Variants in HSPA4L observed in about 807,000 individuals in gnomAD.
HSPA4L encodes the protein heat shock 70 kDa protein 4L.
Under a neutral mutation model 100.3 loss-of-function variants are expected in HSPA4L, and 48 were observed. The ratio of observed to expected loss-of-function variants is 0.48; its 90% CI spans 0.38 to 0.61. HSPA4L has a LOEUF of 0.61. HSPA4L is among the 20% of genes least tolerant of loss of function. HSPA4L has a pLI of 0.00. For missense variants in HSPA4L, 886 were observed against 988.6 expected, an observed-to-expected ratio of 0.90 and a Z score of 1.39; for synonymous variants, 319 against 328.2, an observed-to-expected ratio of 0.97 and a Z score of 0.30.
chr4:127,801,092 A>G (rs1733161740), intron 4 of HSPA4L, 46 bp from the exon 5 acceptor site: 1 of 1,405,426 alleles, frequency 7.1e-7, no homozygotes, highest in South Asian at 1.2e-5. Flanking sequence ...AGTTGACAAA[A>G]TGTTTACATA....
intron 4 of HSPA4L, 142 bp downstream of exon 4, chr4:127,798,851 A>C (rs1733096581): frequency 1.4e-6 from 1 of 732,582 alleles, no homozygotes; most frequent in Non-Finnish European, 2.1e-6. Context: ...TTTTAAAAAA[A>C]CTGCCTTATT....
intron 16 of HSPA4L, among the ~76,000 whole-genome samples, chr4:127,826,877 A>G (rs1733962759): frequency 1.3e-5 from 2 of 152,194 alleles, no homozygotes; most frequent in African/African-American, 4.8e-5. Flanking sequence ...TATTTAGTTG[A>G]TAATAATTAT....
At chr4:127,824,918 C>T (rs1357901034) in intron 16 of HSPA4L, among the ~76,000 whole-genome samples, 1 of 152,116 alleles carries the variant, frequency 6.6e-6, no homozygotes, top group African/African-American at 2.4e-5. Flanking sequence ...GGGCGGATCA[C>T]AAAGTCAGGA....
In HSPA4L at chr4:127,833,115, A is replaced by G. The variant is rs1045524456; in HGVS notation, c.*241A>G. ...ATCTAAGCTTTCCGGATAATTTTATATATCAAACATACAGGATGGATACAT... is the reference window on the plus strand; with the variant it reads ...ATCTAAGCTTTCCGGATAATTTTATGTATCAAACATACAGGATGGATACAT... On this transcript the variant is annotated 3_prime_UTR_variant, in exon 19 of 19. Coordinates refer to ENST00000296464, the MANE Select transcript of HSPA4L (RefSeq NM_014278.4). 3 of 340,194 alleles carry G rather than the reference A, an allele frequency of 8.8e-6. No homozygotes were observed. Among genetic ancestry groups the G allele is most frequent in the Non-Finnish European group, 1.6e-5 (3 of 189,478 alleles). 21.1% of individuals were successfully genotyped at this position (340,194 alleles called of 1,614,324 possible).
intron 12 of HSPA4L, among the ~76,000 whole-genome samples, chr4:127,814,478 A>C (rs1733621241): frequency 6.6e-6 from 1 of 152,122 alleles, no homozygotes; most frequent in African/African-American, 2.4e-5. Context: ...AGCTAATATA[A>C]TAAATATTGA....
rs773358656 is a variant in HSPA4L, at chr4:127,803,747, G to A, written c.782G>A (p.Arg261Gln). ...AAGATAAATGTGAAAGAAAACTCTC[G>A]GGCCTTGTTGCGTTTATATCAGGAA... The part of the protein sequence containing the change: ...KYKINVKENS[R>Q]ALLRLYQECE... The change falls in exon 7 of 19, where the codon CGG becomes CAG. Residue 261 changes from arginine (R) to glutamine (Q), a missense_variant. Coordinates refer to ENST00000296464, the MANE Select transcript of HSPA4L (RefSeq NM_014278.4). 2.5e-5 allele frequency: 40 copies of A among 1,613,728 alleles called. No individual in the cohort carries two copies. Among genetic ancestry groups the A allele is most frequent in the Non-Finnish European group, 3.1e-5 (37 of 1,179,946 alleles).
At position 127,786,130 on chromosome 4, in the gene HSPA4L, A is replaced by G. The variant is rs563885836; in HGVS notation, c.107+3473A>G. Among the ~76,000 whole-genome samples, 22 of 152,356 alleles carry G rather than the reference A, an allele frequency of 1.4e-4. No homozygotes were observed. In the South Asian group the frequency reaches 4.1e-3, roughly 29 times the overall value. On this transcript the variant is annotated intron_variant, in intron 1 of 18. Transcript: ENST00000296464. ...AGTGATTGCTATGTGCTAAGCAAGC[A>G]TTGTCATATGTATCACAATTCTGTG...
At chr4:127,797,845 C>T (rs1186782481) in intron 3 of HSPA4L, among the ~76,000 whole-genome samples, 1 of 152,068 alleles carries the variant, frequency 6.6e-6, no homozygotes, top group Non-Finnish European at 1.5e-5. Context: ...TCATGATCTG[C>T]TCGCCTCGGC....
At chr4:127,830,498 T>C (rs1449494475) in intron 17 of HSPA4L, 140 bp from the exon 18 acceptor site, 3 of 546,964 alleles carry the variant, frequency 5.5e-6, no homozygotes, top group South Asian at 3.3e-5. Context: ...TTCTGTGTTA[T>C]TCGTATGGGG....
At chr4:127,792,189 T>A (rs1274949342) in intron 1 of HSPA4L, among the ~76,000 whole-genome samples, 2 of 152,200 alleles carry the variant, frequency 1.3e-5, no homozygotes, top group African/African-American at 4.8e-5. Context: ...TGAAATTTAA[T>A]CCTCATTAAC....
chr4:127,797,525 T>C (rs1483792907), intron 3 of HSPA4L, among the ~76,000 whole-genome samples: 1 of 152,036 alleles, frequency 6.6e-6, no homozygotes. Context: ...AGAAAATCAA[T>C]GTTCAACTCC....
At position 127,811,474 on chromosome 4, in the gene HSPA4L, T is replaced by C. The variant is rs61751197; in HGVS notation, c.1416T>C (p.Asp472=). The C allele has an allele frequency of 1.2e-6, 2 of 1,614,062 alleles. No homozygotes were observed. Among genetic ancestry groups the C allele is most frequent in the Non-Finnish European group, 1.7e-6 (2 of 1,179,972 alleles). ...TTCAGAATGTTTTTCCACAGTCTGA[T>C]GGTGATAGTTCCAAAGTGAAGGTTA... ...FTIQNVFPQS[D]GDSSKVKVKV... is the part of the protein sequence containing the mutation. The change falls in exon 12 of 19, where the codon GAT becomes GAC. Residue 472 remains aspartate, a synonymous_variant. Coordinates refer to ENST00000296464, the MANE Select transcript of HSPA4L (RefSeq NM_014278.4).
chr4:127,801,477 G>C (rs1397674921), intron 5 of HSPA4L, among the ~76,000 whole-genome samples: 2 of 148,858 alleles, frequency 1.3e-5, no homozygotes, highest in Non-Finnish European at 3.0e-5. Flanking sequence ...GTGTGTGTGT[G>C]TGTGTGTGTG....
intron 12 of HSPA4L, among the ~76,000 whole-genome samples, chr4:127,815,904 A>AG (rs1733659372): frequency 6.6e-6 from 1 of 152,224 alleles, no homozygotes; most frequent in African/African-American, 2.4e-5. Context: ...AGGCAGCTTA[A>AG]GGGTAAGGAG....
Position 127,834,960 on chromosome 4 carries a change from A to AAT in HSPA4L, c.*2094_*2095dup, listed in dbSNP as rs374886094. On this transcript the variant is annotated 3_prime_UTR_variant, in exon 19 of 19. Transcript: ENST00000296464. ...TCATTTAATAACTTATATACATCCA[A>AAT]ATATATATACTTTTTCTACCCAATT... The AAT allele has an allele frequency of 1.2e-4, 19 of 152,242 alleles. No individual in the cohort carries two copies. Among genetic ancestry groups the AAT allele is most frequent in the Middle Eastern group, 3.4e-3 (1 of 294 alleles). 9.4% of individuals were successfully genotyped at this position (152,242 alleles called of 1,614,324 possible).
chr4:127,814,941 T>G (rs1480475508), intron 12 of HSPA4L, among the ~76,000 whole-genome samples: 1 of 152,214 alleles, frequency 6.6e-6, no homozygotes, highest in African/African-American at 2.4e-5. Flanking sequence ...TTAAATACCA[T>G]TATAAAGTAG....
rs776195477 is a variant in HSPA4L, at chr4:127,804,004, C to T, written c.909-7C>T. ...AGAATAATGAATTTTATTCTATTTT[C>T]TCACAGGGCTCAATTTGAACAACTG... On this transcript the variant is annotated splice_region_variant and splice_polypyrimidine_tract_variant and intron_variant, in intron 7 of 18. Coordinates refer to ENST00000296464, the MANE Select transcript of HSPA4L (RefSeq NM_014278.4). The T allele has an allele frequency of 6.2e-7, 1 of 1,613,804 alleles. No homozygotes were observed. Among genetic ancestry groups the T allele is most frequent in the South Asian group, 1.1e-5 (1 of 91,066 alleles).
chr4:127,793,270 T>A (rs1029590913), intron 1 of HSPA4L, among the ~76,000 whole-genome samples: 3 of 152,214 alleles, frequency 2.0e-5, no homozygotes, highest in Non-Finnish European at 4.4e-5. Flanking sequence ...ACCTCTCTTA[T>A]CTAGAAGTAA....
At chr4:127,803,591 A>G in intron 6 of HSPA4L, 38 bp from the exon 7 acceptor site, 1 of 1,463,288 alleles carries the variant, frequency 6.8e-7, no homozygotes, top group Admixed American at 2.5e-5. Flanking sequence ...AAGAATCTAT[A>G]TTTCTGAAAA....
Sources: allele counts gnomAD v4.1 joint callset (sites outside exome capture counted in the v4.1 genomes callset), GRCh38; gene constraint gnomAD v4.1.1; transcripts MANE v1.5; gene names NCBI Gene and HGNC (gene_info 2026-07-23, HGNC 2026-07-21).